The following COL5A2 variants were observed in gnomAD, a reference collection of about 807,000 sequenced individuals.
The protein encoded by COL5A2 is collagen type V alpha 2 chain, also known as collagen alpha-2(V) chain.
A neutral mutation model predicts 208.2 loss-of-function variants in COL5A2; 23 were observed. The observed-to-expected ratio is 0.11, with a 90% CI of 0.08 to 0.16. The LOEUF (loss-of-function observed/expected upper bound fraction) is 0.16. Ranked by LOEUF, COL5A2 falls within the 10% of genes least tolerant of loss-of-function variation. COL5A2 has a pLI of 1.00. For synonymous variants in COL5A2, 625 were observed against 628.5 expected, an observed-to-expected ratio of 0.99 and a Z score of 0.08; for missense variants, 1,590 against 1,956.4, an observed-to-expected ratio of 0.81 and a Z score of 3.53.
chr2:189,420,914 C>T, the COL5A2 span, among the ~76,000 whole-genome samples: 15 of 152,142 alleles, frequency 9.9e-5, no homozygotes, highest in East Asian at 1.2e-3. Flanking sequence ...ACATTTTACA[C>T]GTAAACATTG....
the COL5A2 span, among the ~76,000 whole-genome samples, chr2:189,241,474 T>C: frequency 1.3e-5 from 2 of 152,172 alleles, no homozygotes; most frequent in East Asian, 3.8e-4. Flanking sequence ...TTTTCCACGA[T>C]TATCCTATTG....
At chr2:189,389,090 A>G in the COL5A2 span, among the ~76,000 whole-genome samples, 16 of 152,196 alleles carry the variant, frequency 1.1e-4, no homozygotes, top group East Asian at 3.1e-3. Context: ...GTTTTTTTTG[A>G]TAGCCAATTT....
chr2:189,056,037 T>C (rs1685894420), intron 35 of COL5A2, among the ~76,000 whole-genome samples: 1 of 152,206 alleles, frequency 6.6e-6, no homozygotes, highest in Admixed American at 6.5e-5. Flanking sequence ...AAAGAAGTGG[T>C]GCATCCTTAA....
Position 189,045,863 on chromosome 2 carries a change from C to A in COL5A2, c.3246G>T (p.Gln1082His). ...CAGGGCCAGGAGTTCCAGGGGCACCCTGAGAGCCTGGCAGACCTGCAGGCC... is the reference window on the plus strand; with the variant it reads ...CAGGGCCAGGAGTTCCAGGGGCACCATGAGAGCCTGGCAGACCTGCAGGCC... ...DPGPAGLPGS[Q>H]GAPGTPGPVG... is the part of the protein sequence containing the mutation. Residue 1082 changes from glutamine to histidine, a missense_variant, in exon 46 of 54, where the codon CAG (glutamine) becomes CAT (histidine). Physicochemically the swap from Gln to His is conservative, Grantham distance 24. Coordinates refer to ENST00000374866, the MANE Select transcript of COL5A2 (RefSeq NM_000393.5). 2.5e-6 allele frequency: 4 copies of A among 1,614,166 alleles called. No individual in the cohort carries two copies. Among genetic ancestry groups the A allele is most frequent in the Non-Finnish European group, 3.4e-6 (4 of 1,180,008 alleles).
At chr2:189,109,886 A>G (rs955553154) in intron 2 of COL5A2, among the ~76,000 whole-genome samples, 1 of 152,178 alleles carries the variant, frequency 6.6e-6, no homozygotes, top group African/African-American at 2.4e-5. Flanking sequence ...TCAGGCATTA[A>G]TGGACTTAAA....
At chr2:189,192,137 G>A (rs561009306) in intron 1 of COL5A2, among the ~76,000 whole-genome samples, 2 of 152,234 alleles carry the variant, frequency 1.3e-5, no homozygotes, top group East Asian at 1.9e-4. Context: ...ACACAGGTAG[G>A]TTCCTCATTT....
intron 1 of COL5A2, among the ~76,000 whole-genome samples, chr2:189,224,890 C>T (rs1027742289): frequency 1.3e-5 from 2 of 151,854 alleles, no homozygotes; most frequent in African/African-American, 2.4e-5. Flanking sequence ...AGTCAATATA[C>T]TTGATTTGCT....
the COL5A2 span, among the ~76,000 whole-genome samples, chr2:189,343,079 A>G: frequency 6.6e-6 from 1 of 152,090 alleles, no homozygotes. Context: ...CTGAAGACAG[A>G]CATACACAGA....
At chr2:189,201,557 G>C (rs970318104) in intron 1 of COL5A2, among the ~76,000 whole-genome samples, 1 of 151,934 alleles carries the variant, frequency 6.6e-6, no homozygotes, top group African/African-American at 2.4e-5. Context: ...TATTCAAAAA[G>C]ATAATGGCTA....
chr2:189,194,212 C>G (rs1305038127), intron 1 of COL5A2, among the ~76,000 whole-genome samples: 1 of 152,088 alleles, frequency 6.6e-6, no homozygotes, highest in Non-Finnish European at 1.5e-5. Flanking sequence ...AAATACTGCT[C>G]TACACTATGG....
the COL5A2 span, among the ~76,000 whole-genome samples, chr2:189,261,548 AC>A: frequency 6.6e-6 from 1 of 152,202 alleles, no homozygotes. Context: ...CTTCCATTAT[AC>A]AATGCATATG....
At chr2:189,043,050 A>G in intron 48 of COL5A2, 101 bp downstream of exon 48, 1 of 896,534 alleles carries the variant, frequency 1.1e-6, no homozygotes. Flanking sequence ...AAAATAAGAT[A>G]CAAACATATC....
the COL5A2 span, among the ~76,000 whole-genome samples, chr2:189,253,218 G>C: frequency 1.3e-5 from 2 of 152,170 alleles, no homozygotes; most frequent in Admixed American, 1.3e-4. Context: ...TTACCAATAA[G>C]GTCAGAGACA....
At chr2:189,107,514 T>C (rs954091951) in intron 2 of COL5A2, among the ~76,000 whole-genome samples, 6 of 151,568 alleles carry the variant, frequency 4.0e-5, no homozygotes, top group African/African-American at 1.2e-4. Flanking sequence ...ATTTCAGTTT[T>C]CTCACTTTTC....
chr2:189,049,649 C>T (rs1205287706), intron 43 of COL5A2, among the ~76,000 whole-genome samples, 195 bp from the exon 44 acceptor site: 1 of 152,164 alleles, frequency 6.6e-6, no homozygotes, highest in Non-Finnish European at 1.5e-5. Context: ...CTTGACGTAT[C>T]TAAGGGACCA....
At chr2:189,361,881 C>CA in the COL5A2 span, among the ~76,000 whole-genome samples, 2 of 140,680 alleles carry the variant, frequency 1.4e-5, no homozygotes, top group South Asian at 2.3e-4. Context: ...GAAAAGTAAC[C>CA]AAAAAAAATC....
At chr2:189,229,414 T>C (rs890979673), upstream of COL5A2, among the ~76,000 whole-genome samples, 2 of 147,680 alleles carry the variant, frequency 1.4e-5, no homozygotes, top group South Asian at 2.1e-4. Flanking sequence ...ATCCTGAAGA[T>C]TGCACACACA....
At chr2:189,055,793 T>G (rs1685889104) in intron 35 of COL5A2, among the ~76,000 whole-genome samples, 1 of 152,220 alleles carries the variant, frequency 6.6e-6, no homozygotes, top group East Asian at 1.9e-4. Context: ...CCTATCACAT[T>G]GCAATTTCAA....
intron 1 of COL5A2, among the ~76,000 whole-genome samples, chr2:189,192,820 T>C (rs1335446136): frequency 6.6e-6 from 1 of 152,242 alleles, no homozygotes; most frequent in Non-Finnish European, 1.5e-5. Context: ...TAAGAGGTGA[T>C]TAAGCCATGA....
Sources: gnomAD v4.1 joint callset for allele counts (sites outside exome capture counted in the v4.1 genomes callset) on GRCh38, gnomAD v4.1.1 for gene constraint, MANE v1.5 for transcripts, NCBI Gene and HGNC (gene_info 2026-07-23, HGNC 2026-07-21) for gene names.